The following NINL variants were observed in gnomAD, a reference collection of about 807,000 sequenced individuals.
NINL encodes the protein ninein-like protein.
In NINL, 153 loss-of-function variants were observed where a neutral mutation model predicts 160.3. That is an observed-to-expected ratio of 0.95 (90% CI 0.84 to 1.09). NINL has a LOEUF of 1.09. Ranked by LOEUF, NINL falls within the 50% of genes least tolerant of loss-of-function variation. The pLI is 0.00. For missense variants in NINL, 1,829 were observed against 1,764.0 expected (o/e 1.04, Z -0.66); for synonymous variants, 800 against 734.8 (o/e 1.09, Z -1.43).
chr20:25,510,420 G>A (rs544561859), intron 5 of NINL, among the ~76,000 whole-genome samples: 1 of 152,322 alleles, frequency 6.6e-6, no homozygotes, highest in East Asian at 1.9e-4. Flanking sequence ...GACGAACCAC[G>A]ATGCTCCCTC....
chr20:25,544,196 G>A (rs968863860), intron 1 of NINL, among the ~76,000 whole-genome samples: 1 of 149,410 alleles, frequency 6.7e-6, no homozygotes, highest in Non-Finnish European at 1.5e-5. Flanking sequence ...TTTGACGCGT[G>A]GAATCTGGAC....
At chr20:25,577,335 GCACGCTACC>G (rs1243257392) in intron 1 of NINL, among the ~76,000 whole-genome samples, 1 of 152,148 alleles carries the variant, frequency 6.6e-6, no homozygotes, top group Non-Finnish European at 1.5e-5. Context: ...TGGAGACCTG[GCACGCTACC>G]CACTTCTGCC....
At chr20:25,581,385 T>C (rs1215732252) in intron 1 of NINL, among the ~76,000 whole-genome samples, 2 of 150,992 alleles carry the variant, frequency 1.3e-5, no homozygotes, top group East Asian at 3.9e-4. Flanking sequence ...GAGATTGCAG[T>C]GAGCCAAGAT....
intron 1 of NINL, among the ~76,000 whole-genome samples, chr20:25,566,229 C>G (rs1471495323): frequency 6.6e-6 from 1 of 152,046 alleles, no homozygotes; most frequent in African/African-American, 2.4e-5. Flanking sequence ...AGTTGGGAAA[C>G]AAAAATGGAC....
At chr20:25,520,114 C>A (rs1419280042) in intron 2 of NINL, among the ~76,000 whole-genome samples, 1 of 148,336 alleles carries the variant, frequency 6.7e-6, no homozygotes, top group Non-Finnish European at 1.5e-5. Context: ...CAGTGGTTGA[C>A]CTTTGGTAGT....
chr20:25,536,004 C>T (rs923424735), intron 1 of NINL, among the ~76,000 whole-genome samples: 1 of 152,272 alleles, frequency 6.6e-6, no homozygotes, highest in African/African-American at 2.4e-5. Flanking sequence ...AGCAAACTAA[C>T]GAGTGAGCCC....
intron 1 of NINL, among the ~76,000 whole-genome samples, chr20:25,563,189 T>C (rs1305349892): frequency 6.6e-6 from 1 of 152,104 alleles, no homozygotes; most frequent in African/African-American, 2.4e-5. Context: ...GCTACATAAA[T>C]AGACTATTTT....
chr20:25,476,065 C>G lies in NINL; in HGVS notation c.3226G>C (p.Val1076Leu). ...AACCTGTCGTTCTCTCTCAAATCTA[C>G]ATGTTTCTCCAGAGCCCGGACGACG... is the stretch of plus-strand genomic sequence containing the variant. ...EDVVRALEKH[V>L]DLRENDRLEF... The change falls in exon 17 of 24, where the codon GTA becomes CTA. Residue 1076 changes from valine (V) to leucine (L), a missense_variant. Physicochemically the swap from Val to Leu is conservative, Grantham distance 32. Coordinates refer to ENST00000278886, the MANE Select transcript of NINL (RefSeq NM_025176.6). 1 of 1,613,322 alleles carries G rather than the reference C, an allele frequency of 6.2e-7. No homozygotes were observed. The highest frequency in any genetic ancestry group is 8.5e-7 in the Non-Finnish European group (1 of 1,179,478).
chr20:25,563,814 T>C (rs2147144636), intron 1 of NINL, among the ~76,000 whole-genome samples: 1 of 152,298 alleles, frequency 6.6e-6, no homozygotes, highest in East Asian at 1.9e-4. Context: ...ACAAGTCCAT[T>C]TGCCAAGAAG....
In NINL at chr20:25,476,959, G is replaced by C; in HGVS notation, c.2332C>G (p.Gln778Glu). 6.2e-7 allele frequency: 1 copy of C among 1,609,290 alleles called. No homozygotes were observed. Reference protein sequence around the residue: ...PLPRGSQRSEQLELERALKLQ... With the variant: ...PLPRGSQRSEELELERALKLQ... ...TTCAGTGCCCTCTCCAGCTCCAGCT[G>C]CTCCGACCTCTGGCTCCCGCGTGGC... Residue 778 changes from glutamine (Q) to glutamate (E), a missense_variant, in exon 17 of 24, where the codon CAG (glutamine) becomes GAG (glutamate). Transcript: ENST00000278886.
intron 8 of NINL, among the ~76,000 whole-genome samples, chr20:25,499,458 A>T (rs2063824634): frequency 2.6e-5 from 4 of 152,176 alleles, no homozygotes; most frequent in Admixed American, 1.3e-4. Flanking sequence ...ACATGCACTC[A>T]TCAGAGCCAG....
At chr20:25,488,939 C>G in intron 13 of NINL, 1 of 385,314 alleles carries the variant, frequency 2.6e-6, no homozygotes, top group Non-Finnish European at 4.8e-6. Context: ...CTGCGCCCTG[C>G]ACTCCTATGT....
At chr20:25,545,580 C>T (rs1483556940) in intron 1 of NINL, among the ~76,000 whole-genome samples, 1 of 152,090 alleles carries the variant, frequency 6.6e-6, no homozygotes, top group Non-Finnish European at 1.5e-5. Context: ...TGGACTGCCC[C>T]ATTATGCCCT....
chr20:25,464,417 AAAACAAACAAAC>A (rs71312677), intron 19 of NINL, among the ~76,000 whole-genome samples: 2 of 151,456 alleles, frequency 1.3e-5, no homozygotes, highest in Non-Finnish European at 2.9e-5. Flanking sequence ...ACTCCATCTC[AAAACAAACAAAC>A]AAACAAACAA....
chr20:25,560,839 A>G (rs1203958326), intron 1 of NINL, among the ~76,000 whole-genome samples: 1 of 152,096 alleles, frequency 6.6e-6, no homozygotes, highest in African/African-American at 2.4e-5. Flanking sequence ...AACAACAAAG[A>G]TAGTAAAAAT....
chr20:25,458,543 G>C lies in NINL; in HGVS notation c.3697-14C>G, dbSNP rs778393138. ...AGCTCCCTGCACCTGCATGGGGAAG[G>C]GGAGACAGCTCTGGTGGGGCTGCTG... is the stretch of plus-strand genomic sequence containing the variant. On this transcript the variant is annotated splice_polypyrimidine_tract_variant and intron_variant, in intron 21 of 23. Transcript: ENST00000278886. 2 of 1,574,350 alleles carry C rather than the reference G, an allele frequency of 1.3e-6. No homozygotes were observed. The highest frequency in any genetic ancestry group is 3.5e-5 in the Admixed American group (2 of 56,508).
At chr20:25,461,488 G>C in intron 21 of NINL, 34 bp downstream of exon 21, 1 of 1,324,430 alleles carries the variant, frequency 7.6e-7, no homozygotes, top group Non-Finnish European at 1.0e-6. Context: ...AGGTGGGACT[G>C]GACCCAGTGC....
intron 1 of NINL, among the ~76,000 whole-genome samples, chr20:25,582,240 C>T (rs979921450): frequency 8.5e-5 from 13 of 152,102 alleles, no homozygotes; most frequent in Non-Finnish European, 1.3e-4. Flanking sequence ...GGCGACAGAG[C>T]GAGACTCCAT....
intron 17 of NINL, 138 bp downstream of exon 17, chr20:25,475,905 G>A (rs1460515292): frequency 2.4e-6 from 2 of 846,404 alleles, no homozygotes; most frequent in African/African-American, 1.7e-5. Context: ...CAGGCTGAAG[G>A]GCTACACAGC....
Sources: allele counts gnomAD v4.1 joint callset (sites outside exome capture counted in the v4.1 genomes callset), GRCh38; gene constraint gnomAD v4.1.1; transcripts MANE v1.5; gene names NCBI Gene and HGNC (gene_info 2026-07-23, HGNC 2026-07-21).